The following NME7 variants were observed in gnomAD, a reference collection of about 807,000 sequenced individuals.
NME7 encodes nucleoside diphosphate kinase 7.
A neutral mutation model predicts 49.1 loss-of-function variants in NME7; 41 were observed. That is an observed-to-expected ratio of 0.83 (90% CI 0.65 to 1.08). The LOEUF (loss-of-function observed/expected upper bound fraction) is 1.08, where lower values mean the gene tolerates loss of function less well. Among genes scored for constraint, NME7 ranks in the 50% least tolerant of loss-of-function variants. NME7 has a pLI of 0.00. For missense variants in NME7, 423 were observed against 463.4 expected, an observed-to-expected ratio of 0.91 and a Z score of 0.80; for synonymous variants, 139 against 150.6, an observed-to-expected ratio of 0.92 and a Z score of 0.56.
intron 1 of NME7, among the ~76,000 whole-genome samples, chr1:169,337,148 C>T (rs953596477): frequency 2.0e-5 from 3 of 152,170 alleles, no homozygotes; most frequent in Non-Finnish European, 4.4e-5. Context: ...AGGGGAGGCT[C>T]GGGCTGCACA....
chr1:169,228,678 C>T (rs1384243854), intron 10 of NME7, among the ~76,000 whole-genome samples: 2 of 124,452 alleles, frequency 1.6e-5, no homozygotes, highest in Non-Finnish European at 1.7e-5. Flanking sequence ...AGCGAGACTC[C>T]GTCTCAAAAA....
At chr1:169,207,904 G>A (rs1333888795) in intron 10 of NME7, among the ~76,000 whole-genome samples, 1 of 152,074 alleles carries the variant, frequency 6.6e-6, no homozygotes, top group Non-Finnish European at 1.5e-5. Flanking sequence ...AAAAGTAAAA[G>A]CTATGTTTCA....
chr1:169,160,356 TCTC>T (rs1391387928), intron 11 of NME7, among the ~76,000 whole-genome samples: 2 of 152,094 alleles, frequency 1.3e-5, no homozygotes, highest in African/African-American at 4.8e-5. Flanking sequence ...ATACATGTAA[TCTC>T]CTAAATCAAC....
intron 11 of NME7, among the ~76,000 whole-genome samples, chr1:169,151,023 G>A (rs531542905): frequency 2.8e-4 from 42 of 152,314 alleles, no homozygotes; most frequent in African/African-American, 9.6e-4. Context: ...ACATGTGAAA[G>A]CCATTCTTAG....
chr1:169,213,394 A>T lies in NME7; in HGVS notation c.990+17324T>A, dbSNP rs376274035. Among the ~76,000 whole-genome samples the T allele has an allele frequency of 5.9e-5, 9 of 152,104 alleles. No homozygotes were observed. The East Asian group carries it at 1.2e-3, about 20-fold the overall frequency. ...TAAAAAAAAAAATCTCACCCATAGT[A>T]CTACAGCCTCGAGTACCTCTTCCAC... On this transcript the variant is annotated intron_variant, in intron 10 of 11. Transcript: ENST00000367811.
rs781725684 is a variant in NME7 at position 169,367,754 on chromosome 1, G to C, written c.-44C>G. ...CTAGAAAATAGGTATCGTTGAGACAGGAAGACACCACCACCACCACCATCA... is the reference window on the plus strand; with the variant it reads ...CTAGAAAATAGGTATCGTTGAGACACGAAGACACCACCACCACCACCATCA... On this transcript the variant is annotated 5_prime_UTR_variant, in exon 1 of 12. Transcript: ENST00000367811. 4.3e-6 allele frequency: 7 copies of C among 1,612,936 alleles called. No individual in the cohort carries two copies. Among genetic ancestry groups the C allele is most frequent in the Non-Finnish European group, 5.9e-6 (7 of 1,179,186 alleles).
chr1:169,147,519 G>C (rs529013868), intron 11 of NME7, among the ~76,000 whole-genome samples: 2 of 152,132 alleles, frequency 1.3e-5, no homozygotes, highest in Non-Finnish European at 2.9e-5. Flanking sequence ...AAATGAAGTC[G>C]TCAATTAATG....
At chr1:169,177,625 A>G (rs1659791491) in intron 10 of NME7, among the ~76,000 whole-genome samples, 1 of 152,052 alleles carries the variant, frequency 6.6e-6, no homozygotes, top group Non-Finnish European at 1.5e-5. Context: ...TGTCTCTTAA[A>G]GAAAAACTTC....
intron 10 of NME7, among the ~76,000 whole-genome samples, chr1:169,201,218 G>A (rs114813486): frequency 0.03 from 4,515 of 152,094 alleles, 88 homozygotes; most frequent in South Asian, 0.08. Context: ...GTGACAGAGC[G>A]AGACTGTCTC....
intron 7 of NME7, among the ~76,000 whole-genome samples, chr1:169,260,791 C>T (rs898937934): frequency 1.5e-5 from 2 of 133,722 alleles, no homozygotes; most frequent in African/African-American, 5.1e-5. Flanking sequence ...ATATGTTTTC[C>T]TCAGGTCTAA....
At chr1:169,244,317 T>C (rs1298970686) in intron 7 of NME7, among the ~76,000 whole-genome samples, 6 of 152,118 alleles carry the variant, frequency 3.9e-5, no homozygotes, top group African/African-American at 1.4e-4. Flanking sequence ...GAAAACTGCT[T>C]AATAGAGAGA....
intron 4 of NME7, among the ~76,000 whole-genome samples, chr1:169,305,293 T>C (rs888498975): frequency 5.3e-5 from 8 of 152,072 alleles, no homozygotes; most frequent in African/African-American, 1.7e-4. Context: ...ATGAAGAAAC[T>C]AACCATTCTT....
rs575672716 is a variant in NME7, at chr1:169,316,604, T to C, written c.278+6513A>G. The stretch of plus-strand genomic sequence containing the variant: ...TTCCCCTGGGCCCAATCTCATCACA[T>C]GAGTCCCTAAAGTCAGAGAATCTTT... On this transcript the variant is annotated intron_variant, in intron 3 of 11. Transcript: ENST00000367811. Among the ~76,000 whole-genome samples, 6 of 152,300 alleles carry C rather than the reference T, an allele frequency of 3.9e-5. No homozygotes were observed. The South Asian group carries it at 1.2e-3, about 32-fold the overall frequency.
chr1:169,188,259 T>G (rs982682333), intron 10 of NME7, among the ~76,000 whole-genome samples: 8 of 152,158 alleles, frequency 5.3e-5, no homozygotes, highest in African/African-American at 1.9e-4. Context: ...AGTATTTTAT[T>G]GATGGTTTTT....
At chr1:169,257,412 C>G (rs549237081) in intron 7 of NME7, among the ~76,000 whole-genome samples, 1 of 134,632 alleles carries the variant, frequency 7.4e-6, no homozygotes, top group South Asian at 2.3e-4. Flanking sequence ...AATGCCTCGC[C>G]CTGCTTCGGC....
chr1:169,244,026 T>TTAAA (rs1401805458), intron 7 of NME7, among the ~76,000 whole-genome samples: 1 of 152,002 alleles, frequency 6.6e-6, no homozygotes, highest in Non-Finnish European at 1.5e-5. Context: ...TGTACCTCAA[T>TTAAA]TAAATAATTT....
intron 10 of NME7, among the ~76,000 whole-genome samples, chr1:169,187,588 C>G (rs1172410594): frequency 6.6e-6 from 1 of 151,412 alleles, no homozygotes; most frequent in Non-Finnish European, 1.5e-5. Context: ...TTATTTTTTT[C>G]TTTCCATTTG....
intron 7 of NME7, among the ~76,000 whole-genome samples, chr1:169,280,937 G>C (rs1649985447): frequency 6.6e-6 from 1 of 152,088 alleles, no homozygotes; most frequent in East Asian, 1.9e-4. Context: ...TGGCTACGCA[G>C]GCTCTTTTTT....
Position 169,132,744 on chromosome 1 carries a change from T to C in NME7, c.*41A>G, listed in dbSNP as rs1658270142. On this transcript the variant is annotated 3_prime_UTR_variant, in exon 12 of 12. Transcript: ENST00000367811. ...ATTCCTCGTGTGTGATTCACTCTTG[T>C]CTAAATGTCCCAACCTGTGACTTCT... The C allele has an allele frequency of 6.3e-7, 1 of 1,591,496 alleles. No individual in the cohort carries two copies. Among genetic ancestry groups the C allele is most frequent in the Admixed American group, 1.7e-5 (1 of 59,386 alleles).
Sources: gnomAD v4.1 joint callset for allele counts (sites outside exome capture counted in the v4.1 genomes callset) on GRCh38, gnomAD v4.1.1 for gene constraint, MANE v1.5 for transcripts, NCBI Gene and HGNC (gene_info 2026-07-23, HGNC 2026-07-21) for gene names.